The following DOCK9 variants were observed in gnomAD, a reference collection of about 807,000 sequenced individuals.
DOCK9 encodes the protein dedicator of cytokinesis protein 9.
A neutral mutation model predicts 263.3 loss-of-function variants in DOCK9; 89 were observed. That is an observed-to-expected ratio of 0.34 (90% CI 0.28 to 0.40). The LOEUF (loss-of-function observed/expected upper bound fraction) is 0.40. DOCK9 is among the 10% of genes least tolerant of loss of function. The pLI, the probability that DOCK9 is intolerant of heterozygous loss-of-function variation, is 1.00. For synonymous variants in DOCK9, 976 were observed against 973.1 expected (o/e 1.00, Z -0.06); for missense variants, 2,140 against 2,603.4 (o/e 0.82, Z 3.87).
chr13:99,051,138 C>T (rs543610793), intron 1 of DOCK9, among the ~76,000 whole-genome samples: 2 of 152,292 alleles, frequency 1.3e-5, no homozygotes, highest in South Asian at 4.1e-4. Flanking sequence ...TCCACTGTCA[C>T]CTGAAGCAAT....
chr13:99,069,109 A>G (rs780219542), intron 1 of DOCK9, among the ~76,000 whole-genome samples: 12 of 152,220 alleles, frequency 7.9e-5, no homozygotes, highest in Non-Finnish European at 1.3e-4. Flanking sequence ...CTTATTCTAC[A>G]CTAACAAATT....
chr13:98,975,135 T>G (rs1345532507), intron 1 of DOCK9, among the ~76,000 whole-genome samples: 2 of 152,160 alleles, frequency 1.3e-5, no homozygotes, highest in African/African-American at 4.8e-5. Flanking sequence ...TAATCACACT[T>G]TGGGAAGCCG....
rs191394447 is a variant in DOCK9, at chr13:98,827,737, C to T, written c.4966-850G>A. ...CAGAGTTCATGCCTCCCACGTGTGT[C>T]CCTCTTGCAGTACAAAGCAGGGTCA... On this transcript the variant is annotated intron_variant, in intron 43 of 52. Transcript: ENST00000682017. 6.3e-4 allele frequency among the ~76,000 whole-genome samples: 96 copies of T among 152,314 alleles called. 1 individual carries two copies. In the East Asian group the frequency reaches 0.014, roughly 22 times the overall value.
rs558868727 is a variant in DOCK9, at chr13:98,925,849, C to T, written c.404G>A (p.Arg135Gln). 18 of 1,570,296 alleles carry T rather than the reference C, an allele frequency of 1.1e-5. No homozygotes were observed. The highest frequency in any genetic ancestry group is 9.4e-5 in the African/African-American group (7 of 74,134). ...YKYEDYSGEF[R>Q]QLPNKVVKLD... ...ATAGCTTACTCACTTCGGAAGCTGT[C>T]GAAACTCTCCTGAGTAATCTTCATA... is the stretch of plus-strand genomic sequence containing the variant. The change falls in exon 4 of 53, where the codon CGA (arginine) becomes CAA (glutamine). Residue 135 changes from arginine (R) to glutamine (Q), a missense_variant. Around this residue, in one of 2 missense-constraint regions of DOCK9, gnomAD observed 1,521 missense variants for 1,741.7 expected, o/e 0.87. Transcript: ENST00000682017.
rs928914034 is a variant in DOCK9 at position 98,950,439 on chromosome 13, C to A, written c.243+4996G>T. ...CCAAAGGGATTTTTCTTTGCTCTTG[C>A]TCTGCCATCTTTCTAGTATCTAATA... On this transcript the variant is annotated intron_variant, in intron 2 of 52. Transcript: ENST00000682017. 23 of 679,668 alleles carry A rather than the reference C, an allele frequency of 3.4e-5. No individual in the cohort carries two copies. In the Admixed American group the frequency reaches 4.8e-4, roughly 14 times the overall value. The allele number at this position is 679,668 out of a possible 1,614,324, so 42.1% of individuals were successfully genotyped here. A position where few individuals can be genotyped will look rare whatever the true frequency, so the allele number is the denominator to read the frequency against.
At chr13:98,845,359 A>G in intron 38 of DOCK9, 1 of 1,360,058 alleles carries the variant, frequency 7.4e-7, no homozygotes, top group Non-Finnish European at 9.8e-7. Context: ...AGCACACTTG[A>G]TATCTTTCTC....
intron 35 of DOCK9, among the ~76,000 whole-genome samples, chr13:98,851,274 G>A (rs1412176770): frequency 6.6e-6 from 1 of 152,190 alleles, no homozygotes; most frequent in East Asian, 1.9e-4. Flanking sequence ...TAAATCGCGT[G>A]CATCTGATTC....
At chr13:99,023,457 T>C (rs1179448331) in intron 1 of DOCK9, among the ~76,000 whole-genome samples, 1 of 152,230 alleles carries the variant, frequency 6.6e-6, no homozygotes, top group Non-Finnish European at 1.5e-5. Flanking sequence ...AGTAGCATGG[T>C]AGTTGCCAGG....
chr13:98,977,736 AC>A, intron 1 of DOCK9, 47 bp downstream of exon 1: 1 of 1,593,354 alleles, frequency 6.3e-7, no homozygotes, highest in Non-Finnish European at 8.6e-7. Context: ...CACAATAAGA[AC>A]CCAGCATTGG....
At chr13:99,036,875 T>C (rs1466735619) in intron 1 of DOCK9, among the ~76,000 whole-genome samples, 1 of 152,062 alleles carries the variant, frequency 6.6e-6, no homozygotes, top group Non-Finnish European at 1.5e-5. Flanking sequence ...GCTAAGACAC[T>C]AACACCGAAA....
At chr13:98,918,110 T>G (rs1169669367) in intron 7 of DOCK9, among the ~76,000 whole-genome samples, 1 of 152,168 alleles carries the variant, frequency 6.6e-6, no homozygotes, top group African/African-American at 2.4e-5. Context: ...ATACATGAAA[T>G]AACTGTTTTC....
chr13:98,926,687 A>G (rs555259382), intron 3 of DOCK9, among the ~76,000 whole-genome samples: 1 of 152,370 alleles, frequency 6.6e-6, no homozygotes. Context: ...GAATGAGTCA[A>G]AATCAAAAGC....
rs1397858621 is a variant in DOCK9, at chr13:98,883,825, T to C, written c.2457A>G (p.Thr819=). The part of the protein sequence containing the change: ...LLKISTHLVS[T]VYTQDQHLHN... ...AAGGAGCACATACCTGAGTATACAC[T>C]GTAGAAACCAGATGAGTGGAAATTT... Residue 819 remains threonine (T), a synonymous_variant, in exon 22 of 53, where the codon ACA becomes ACG. Transcript: ENST00000682017. 2 of 1,611,196 alleles carry C rather than the reference T, an allele frequency of 1.2e-6. No homozygotes were observed.
chr13:99,066,037 T>C (rs1434025127), intron 1 of DOCK9, among the ~76,000 whole-genome samples: 1 of 152,234 alleles, frequency 6.6e-6, no homozygotes, highest in Non-Finnish European at 1.5e-5. Context: ...TGCTCATTTC[T>C]TTACCCAGGA....
intron 1 of DOCK9, among the ~76,000 whole-genome samples, chr13:98,997,301 G>A (rs1371897944): frequency 6.6e-6 from 1 of 152,172 alleles, no homozygotes; most frequent in Admixed American, 6.5e-5. Flanking sequence ...GGCAGGGTTC[G>A]CCCACCCCAC....
chr13:99,056,440 T>TA, intron 1 of DOCK9, among the ~76,000 whole-genome samples: 1 of 152,252 alleles, frequency 6.6e-6, no homozygotes, highest in South Asian at 2.1e-4. Context: ...TTAATATCTT[T>TA]AAAAAAGATA....
intron 15 of DOCK9, among the ~76,000 whole-genome samples, chr13:98,890,958 C>T (rs2046527240): frequency 6.6e-6 from 1 of 152,114 alleles, no homozygotes; most frequent in Non-Finnish European, 1.5e-5. Flanking sequence ...GTCAGGAAGG[C>T]AAGTCAATGA....
intron 1 of DOCK9, among the ~76,000 whole-genome samples, chr13:99,031,319 C>G (rs1188325981): frequency 1.3e-5 from 2 of 152,210 alleles, no homozygotes; most frequent in African/African-American, 2.4e-5. Flanking sequence ...TCTTCCATTA[C>G]AGATGAAGGC....
At chr13:98,972,503 C>A (rs536143188) in intron 1 of DOCK9, among the ~76,000 whole-genome samples, 4 of 152,266 alleles carry the variant, frequency 2.6e-5, no homozygotes, top group African/African-American at 7.2e-5. Context: ...AGCCCCATGT[C>A]TGAGATCATT....
Sources: allele counts gnomAD v4.1 joint callset (sites outside exome capture counted in the v4.1 genomes callset), GRCh38; gene constraint gnomAD v4.1.1; regional missense constraint gnomAD v4.1.1; transcripts MANE v1.5; gene names NCBI Gene and HGNC (gene_info 2026-07-23, HGNC 2026-07-21).